The following TM6SF2 variants were observed in gnomAD, a reference collection of about 807,000 sequenced individuals.
The protein encoded by TM6SF2 is transmembrane 6 superfamily member 2.
TM6SF2 carries 29 observed loss-of-function variants against 41.0 expected under a neutral mutation model. That is an observed-to-expected ratio of 0.71 (90% CI 0.53 to 0.96). TM6SF2 has a LOEUF of 0.96. Among genes scored for constraint, TM6SF2 ranks in the 50% least tolerant of loss-of-function variants. The probability of loss-of-function intolerance (pLI) is 0.00; values close to 1 mark genes in which losing one functional copy is unlikely to be tolerated. For missense variants in TM6SF2, 475 were observed against 499.0 expected (o/e 0.95, Z 0.46); for synonymous variants, 200 against 209.1 (o/e 0.96, Z 0.37).
At chr19:19,270,317 G>C (rs777456748) in intron 3 of TM6SF2, 28 bp downstream of exon 3, 1 of 1,614,100 alleles carries the variant, frequency 6.2e-7, no homozygotes, top group South Asian at 1.1e-5. Context: ...CAGTGCGGTA[G>C]GGGGCTCCCT....
In TM6SF2 at chr19:19,271,012, A is replaced by T. The variant is rs374852151; in HGVS notation, c.199+10T>A. ...ACAGTCTTCTTCCCCACAGCTTCCC[A>T]CTGACTCACCAGCATAGAGTGGGTC... On this transcript the variant is annotated intron_variant, in intron 2 of 9. Transcript: ENST00000389363. 18 of 1,610,864 alleles carry T rather than the reference A, an allele frequency of 1.1e-5. No individual in the cohort carries two copies. In the African/African-American group the frequency reaches 2.3e-4, roughly 20 times the overall value.
chr19:19,267,238 C>T (rs946553780), intron 8 of TM6SF2, among the ~76,000 whole-genome samples: 11 of 151,938 alleles, frequency 7.2e-5, no homozygotes, highest in East Asian at 3.9e-4. Flanking sequence ...TATGGTGGCT[C>T]ACGCCTGTAA....
intron 1 of TM6SF2, 55 bp downstream of exon 1, chr19:19,273,066 G>GCCCCCCCCC: frequency 6.1e-6 from 1 of 163,438 alleles, no homozygotes; most frequent in Non-Finnish European, 1.1e-5. Flanking sequence ...AGTCCTCCCC[G>GCCCCCCCCC]CCCCCGCCCG....
At position 19,273,148 on chromosome 19, in the gene TM6SF2, G is replaced by A; in HGVS notation, c.68C>T (p.Ala23Val). ...CGAGAGCGCCGAGACGTGGTTGAGC[G>A]CGTAGGACACCGGGAGGGCGCTCAG... ...LSLSALPVSYALNHVSALSHP... is the reference protein window; with the variant it reads ...LSLSALPVSYVLNHVSALSHP... Residue 23 changes from alanine (A) to valine (V), a missense_variant, in exon 1 of 10, where the codon GCG becomes GTG. Ala to Val is a moderately conservative substitution (Grantham distance 64, BLOSUM62 0). This residue lies in a region of TM6SF2 where 238 missense variants were observed against 228.6 expected (regional missense o/e 1.04). Transcript: ENST00000389363. 6.7e-7 allele frequency: 1 copy of A among 1,492,746 alleles called. No individual in the cohort carries two copies. The allele number at this position is 1,492,746 out of a possible 1,614,324, so 92.5% of individuals were successfully genotyped here. A position where few individuals can be genotyped will look rare whatever the true frequency, so the allele number is the denominator to read the frequency against.
At chr19:19,270,102 C>T in intron 4 of TM6SF2, 71 bp downstream of exon 4, 1 of 1,595,082 alleles carries the variant, frequency 6.3e-7, no homozygotes, top group Non-Finnish European at 8.5e-7. Context: ...CTCCACCCTG[C>T]CCTGGGACCC....
At chr19:19,272,272 CA>C (rs1298410054) in intron 1 of TM6SF2, among the ~76,000 whole-genome samples, 3 of 152,236 alleles carry the variant, frequency 2.0e-5, no homozygotes, top group Admixed American at 6.5e-5. Flanking sequence ...CCCCATCTAA[CA>C]ATGACATTAT....
intron 1 of TM6SF2, among the ~76,000 whole-genome samples, chr19:19,272,490 A>G (rs1305915237): frequency 6.6e-6 from 1 of 152,126 alleles, no homozygotes; most frequent in Non-Finnish European, 1.5e-5. Context: ...TCTCCACCCC[A>G]TGGCTTGGGT....
chr19:19,268,166 A>G, intron 6 of TM6SF2, 79 bp from the exon 7 acceptor site: 1 of 963,620 alleles, frequency 1.0e-6, no homozygotes, highest in South Asian at 1.6e-5. Flanking sequence ...AAAGGTTCCT[A>G]AGGCTCCTCC....
At chr19:19,273,061 T>TTGGCCCCCCCC in intron 1 of TM6SF2, 60 bp downstream of exon 1, 3 of 305,470 alleles carry the variant, frequency 9.8e-6, no homozygotes, top group Non-Finnish European at 1.2e-5. Context: ...CCTCCAGTCC[T>TTGGCCCCCCCC]CCCCGCCCCC....
chr19:19,267,959 G>T (rs749736898), intron 7 of TM6SF2, 27 bp downstream of exon 7: 6 of 1,557,898 alleles, frequency 3.9e-6, no homozygotes, highest in South Asian at 3.4e-5. Context: ...TGGCAGGGGA[G>T]GGGGAGACCA....
At position 19,269,746 on chromosome 19, in the gene TM6SF2, A is replaced by G. The variant is rs1185700026; in HGVS notation, c.425T>C (p.Leu142Pro). 16 of 1,614,188 alleles carry G rather than the reference A, an allele frequency of 9.9e-6. No homozygotes were observed. Among genetic ancestry groups the G allele is most frequent in the Non-Finnish European group, 1.3e-5 (15 of 1,180,026 alleles). ...CATGGCGAAGGAACCCAGCCAGTAG[A>G]GTCCAAAATTCCGGTATCTCTTCCT... The part of the protein sequence containing the change: ...CRRKRYRNFG[L>P]YWLGSFAMSI... Residue 142 changes from leucine to proline, a missense_variant, in exon 5 of 10, where the codon CTC becomes CCC. By Grantham distance (98) the Leu-to-Pro change is moderately conservative (BLOSUM62 -3). Transcript: ENST00000389363.
At chr19:19,272,918 C>A (rs1405422959) in intron 1 of TM6SF2, among the ~76,000 whole-genome samples, 15 of 152,174 alleles carry the variant, frequency 9.9e-5, no homozygotes, top group African/African-American at 1.4e-4. Context: ...GCCTCCAGCC[C>A]GGCGGGAAGG....
At chr19:19,272,692 G>GGGGTGTGTGTGT (rs548707505) in intron 1 of TM6SF2, among the ~76,000 whole-genome samples, 3 of 136,750 alleles carry the variant, frequency 2.2e-5, no homozygotes, top group Admixed American at 7.4e-5. Flanking sequence ...AATGGAGTAG[G>GGGGTGTGTGTGT]GTGTGTGTGT....
In TM6SF2 at chr19:19,270,340, A is replaced by G. The variant is rs573802243; in HGVS notation, c.297+5T>C. The G allele has an allele frequency of 5.0e-5, 80 of 1,614,112 alleles. No individual in the cohort carries two copies. In the South Asian group the frequency reaches 7.4e-4, roughly 15 times the overall value. Reference sequence around the variant, plus strand: ...TAGGGGGCTCCCTGGTCGTCCCCCAAGTACCTCCTTGGTGTAGAACTCCAT... The same window carrying G: ...TAGGGGGCTCCCTGGTCGTCCCCCAGGTACCTCCTTGGTGTAGAACTCCAT... On this transcript the variant is annotated splice_donor_5th_base_variant and intron_variant, in intron 3 of 9. Transcript: ENST00000389363.
rs369198322 is a variant in TM6SF2, at chr19:19,269,758, C to T, written c.413G>A (p.Arg138Gln). ...AGAICRRKRY[R>Q]NFGLYWLGSF... is the part of the protein sequence containing the mutation. ...ACCCAGCCAGTAGAGTCCAAAATTC[C>T]GGTATCTCTTCCTGAGCAGGGGATG... The change falls in exon 5 of 10, where the codon CGG becomes CAG. Residue 138 changes from arginine to glutamine, a missense_variant. Arg to Gln is a conservative substitution (Grantham distance 43). This residue lies in a region of TM6SF2 where 238 missense variants were observed against 228.6 expected (regional missense o/e 1.04). Transcript: ENST00000389363. 2.0e-5 allele frequency: 32 copies of T among 1,613,988 alleles called. No homozygotes were observed. The highest frequency in any genetic ancestry group is 4.5e-5 in the East Asian group (2 of 44,884).
chr19:19,271,104 C>A lies in TM6SF2; in HGVS notation c.117G>T (p.Met39Ile). The A allele has an allele frequency of 6.2e-7, 1 of 1,614,150 alleles. No individual in the cohort carries two copies. Among genetic ancestry groups the A allele is most frequent in the Non-Finnish European group, 8.5e-7 (1 of 1,180,014 alleles). Residue 39 changes from methionine (M) to isoleucine (I), a missense_variant, in exon 2 of 10, where the codon ATG (methionine) becomes ATT (isoleucine). Met to Ile is a conservative substitution (Grantham distance 10). Coordinates refer to ENST00000389363, the MANE Select transcript of TM6SF2 (RefSeq NM_001001524.3). ...AAAGCAGACCCAGGATTAGGGCGCT[C>A]ATCAATGCCACCCACAGGGGGCTGT... ...ALSHPLWVAL[M>I]SALILGLLFV...
At position 19,267,772 on chromosome 19, in the gene TM6SF2, C is replaced by G. The variant is rs190427537; in HGVS notation, c.712-59G>C. ...CATACCTCCCACAGGAAGCCTCCCC[C>G]ACCCTCCCAGGCCCACACCCCTTGC... On this transcript the variant is annotated intron_variant, in intron 7 of 9. Coordinates refer to ENST00000389363, the MANE Select transcript of TM6SF2 (RefSeq NM_001001524.3). 9 of 1,524,130 alleles carry G rather than the reference C, an allele frequency of 5.9e-6. No homozygotes were observed. The African/African-American group carries it at 6.9e-5, about 12-fold the overall frequency. The allele number at this position is 1,524,130 out of a possible 1,614,324, so 94.4% of individuals were successfully genotyped here.
rs190164983 is a variant in TM6SF2, at chr19:19,268,614, G to C, written c.609+16C>G. ...AGGCACATTGGGACAAGGCCTAAGA[G>C]GGGTAAGGCACTCACCATGTTGGCG... is the stretch of plus-strand genomic sequence containing the variant. On this transcript the variant is annotated intron_variant, in intron 6 of 9. Coordinates refer to ENST00000389363, the MANE Select transcript of TM6SF2 (RefSeq NM_001001524.3). The C allele has an allele frequency of 2.6e-4, 404 of 1,563,354 alleles. 4 individuals are homozygous for C. In the East Asian group the frequency reaches 9.5e-3, roughly 37 times the overall value.
At position 19,265,407 on chromosome 19, in the gene TM6SF2, C is replaced by CTATCT. The variant is rs1478604397; in HGVS notation, c.925-535_925-534insAGATA. Among the ~76,000 whole-genome samples, 399 of 87,676 alleles carry CTATCT rather than the reference C, an allele frequency of 4.6e-3. 5 individuals carry two copies. The highest frequency in any genetic ancestry group is 0.026 in the East Asian group (68 of 2,596). 57.5% of individuals were successfully genotyped at this position (87,676 alleles called of 152,430 possible). ...CTATCTATCTATCTATCTATCTATCCATCCATCCATCTATCTATCTATCTA... is the reference window on the plus strand; with the variant it reads ...CTATCTATCTATCTATCTATCTATCCTATCTATCCATCCATCTATCTATCTATCTA... On this transcript the variant is annotated intron_variant, in intron 9 of 9. Coordinates refer to ENST00000389363, the MANE Select transcript of TM6SF2 (RefSeq NM_001001524.3).
Sources: allele counts gnomAD v4.1 joint callset (sites outside exome capture counted in the v4.1 genomes callset), GRCh38; gene constraint gnomAD v4.1.1; regional missense constraint gnomAD v4.1.1; transcripts MANE v1.5; gene names NCBI Gene and HGNC (gene_info 2026-07-23, HGNC 2026-07-21).